SNX29: variants seen among roughly 807,000 people sequenced by gnomAD.
The protein encoded by SNX29 is sorting nexin 29.
SNX29 carries 78 observed loss-of-function variants against 102.1 expected under a neutral mutation model. That is an observed-to-expected ratio of 0.76 (90% CI 0.64 to 0.92). The LOEUF (loss-of-function observed/expected upper bound fraction) is 0.92. Ranked by LOEUF, SNX29 falls within the 40% of genes least tolerant of loss-of-function variation. The probability of loss-of-function intolerance (pLI) is 0.00; values close to 1 mark genes in which losing one functional copy is unlikely to be tolerated. For synonymous variants in SNX29, 580 were observed against 414.5 expected (o/e 1.40, Z -4.85); for missense variants, 1,280 against 1,061.7 (o/e 1.21, Z -2.86).
At position 12,544,027 on chromosome 16, in the gene SNX29, G is replaced by C. The variant is rs150708936; in HGVS notation, c.2318+19186G>C. Among the ~76,000 whole-genome samples, 82 of 152,340 alleles carry C rather than the reference G, an allele frequency of 5.4e-4. 1 individual carries two copies. In the East Asian group the frequency reaches 0.01, roughly 19 times the overall value. On this transcript the variant is annotated intron_variant, in intron 20 of 20. Transcript: ENST00000566228. ...GCAAAAGCCCTGGACTCTAGACCCCGTTGACTCATCACATTGCAAAGCCAC... is the reference window on the plus strand; with the variant it reads ...GCAAAAGCCCTGGACTCTAGACCCCCTTGACTCATCACATTGCAAAGCCAC...
At chr16:12,119,587 A>C (rs552646478) in intron 11 of SNX29, among the ~76,000 whole-genome samples, 1 of 152,350 alleles carries the variant, frequency 6.6e-6, no homozygotes, top group East Asian at 1.9e-4. Context: ...ATTTAATCAC[A>C]CTTTTGATTT....
At chr16:12,403,613 T>G in intron 18 of SNX29, 84 bp downstream of exon 18, 1 of 1,314,500 alleles carries the variant, frequency 7.6e-7, no homozygotes, top group Non-Finnish European at 1.1e-6. Context: ...TGCCTCTTGG[T>G]GGTGGGGCGC....
At chr16:12,498,073 G>A (rs1467664257) in intron 19 of SNX29, among the ~76,000 whole-genome samples, 1 of 152,232 alleles carries the variant, frequency 6.6e-6, no homozygotes, top group Non-Finnish European at 1.5e-5. Context: ...GACTGGGGAA[G>A]GGTCAGAACT....
intron 18 of SNX29, among the ~76,000 whole-genome samples, chr16:12,439,115 T>C (rs2085677625): frequency 1.3e-5 from 2 of 152,174 alleles, no homozygotes; most frequent in South Asian, 2.1e-4. Context: ...AGCCAGTCTT[T>C]CCCAGAGGCC....
At chr16:12,536,121 C>T (rs190215241) in intron 20 of SNX29, among the ~76,000 whole-genome samples, 160 of 152,246 alleles carry the variant, frequency 1.1e-3, no homozygotes, top group African/African-American at 3.7e-3. Flanking sequence ...TGAACACAGC[C>T]CAGCTTTGGT....
Position 12,428,260 on chromosome 16 carries a change from T to A in SNX29, c.2037+24731T>A, listed in dbSNP as rs560515710. Among the ~76,000 whole-genome samples the A allele has an allele frequency of 3.3e-5, 5 of 152,328 alleles. No homozygotes were observed. In the South Asian group the frequency reaches 1.0e-3, roughly 32 times the overall value. Reference sequence around the variant, plus strand: ...CAAATAAGTTTAGTATAAAATGTAATTATTCTCCTTAAAAAATCAACAGAG... The same window carrying A: ...CAAATAAGTTTAGTATAAAATGTAAATATTCTCCTTAAAAAATCAACAGAG... On this transcript the variant is annotated intron_variant, in intron 18 of 20. Coordinates refer to ENST00000566228, the MANE Select transcript of SNX29 (RefSeq NM_032167.5).
chr16:12,476,378 AAAAAAATATATATATAT>A (rs2087606890), intron 18 of SNX29, among the ~76,000 whole-genome samples: 1 of 27,556 alleles, frequency 3.6e-5, no homozygotes, highest in African/African-American at 1.7e-4. Flanking sequence ...AAAAAAAAAA[AAAAAAATATATATATAT>A]ATATATATAT....
intron 1 of SNX29, among the ~76,000 whole-genome samples, chr16:11,985,560 CGCTCCTCCAT>C (rs1462330045): frequency 2.6e-5 from 4 of 152,208 alleles, no homozygotes; most frequent in Non-Finnish European, 5.9e-5. Context: ...CACAGGCAGC[CGCTCCTCCAT>C]GGAGCGGGCT....
intron 11 of SNX29, among the ~76,000 whole-genome samples, chr16:12,084,415 GTTAA>G (rs1410225620): frequency 6.6e-6 from 1 of 152,154 alleles, no homozygotes; most frequent in African/African-American, 2.4e-5. Flanking sequence ...AAGTGAAAAA[GTTAA>G]TTATTTAGCA....
chr16:12,556,814 G>A (rs925585530), intron 20 of SNX29, among the ~76,000 whole-genome samples: 8 of 152,112 alleles, frequency 5.3e-5, no homozygotes, highest in Non-Finnish European at 7.3e-5. Context: ...CTAAAGTACA[G>A]AAGCCCAGAG....
intron 20 of SNX29, among the ~76,000 whole-genome samples, chr16:12,567,752 G>A (rs1178293400): frequency 6.6e-6 from 1 of 152,184 alleles, no homozygotes; most frequent in Non-Finnish European, 1.5e-5. Context: ...CAAGAGTCGA[G>A]ACTGTCTCCA....
intron 1 of SNX29, among the ~76,000 whole-genome samples, chr16:11,987,783 G>C (rs1300097321): frequency 6.6e-6 from 1 of 152,228 alleles, no homozygotes; most frequent in Non-Finnish European, 1.5e-5. Flanking sequence ...CTGGAACATA[G>C]AGGACCAGGT....
intron 13 of SNX29, among the ~76,000 whole-genome samples, chr16:12,181,143 T>G (rs1182955515): frequency 6.6e-6 from 1 of 152,200 alleles, no homozygotes; most frequent in Non-Finnish European, 1.5e-5. Flanking sequence ...CTGGCTTTAC[T>G]GCACTTCTCA....
intron 1 of SNX29, among the ~76,000 whole-genome samples, chr16:11,997,437 T>A (rs1406790240): frequency 6.6e-6 from 1 of 152,142 alleles, no homozygotes; most frequent in African/African-American, 2.4e-5. Context: ...GTCTTCCTAG[T>A]GTGACTCTCT....
chr16:12,052,364 C>G, intron 8 of SNX29, 142 bp downstream of exon 8: 1 of 832,118 alleles, frequency 1.2e-6, no homozygotes, highest in South Asian at 1.7e-5. Context: ...TTACAGGCAC[C>G]TGTCACCACA....
At chr16:12,290,049 G>C (rs145983949) in intron 15 of SNX29, among the ~76,000 whole-genome samples, 27 of 152,258 alleles carry the variant, frequency 1.8e-4, no homozygotes, top group African/African-American at 2.4e-5. Context: ...GGAGGGACTT[G>C]TTGCATTTAA....
intron 18 of SNX29, among the ~76,000 whole-genome samples, chr16:12,455,646 G>A (rs1248199068): frequency 6.6e-6 from 1 of 152,210 alleles, no homozygotes; most frequent in African/African-American, 2.4e-5. Context: ...TCATCCAGTA[G>A]GCTTTGCAAA....
intron 15 of SNX29, among the ~76,000 whole-genome samples, chr16:12,285,349 T>A (rs531918194): frequency 6.6e-6 from 1 of 152,318 alleles, no homozygotes; most frequent in South Asian, 2.1e-4. Flanking sequence ...AGAACTTTAC[T>A]CCCTTCCATA....
At chr16:12,088,673 C>T (rs1342853164) in intron 11 of SNX29, among the ~76,000 whole-genome samples, 1 of 152,192 alleles carries the variant, frequency 6.6e-6, no homozygotes, top group African/African-American at 2.4e-5. Flanking sequence ...ATGGCCGGGG[C>T]AGTGGCGCAC....
Sources: gnomAD v4.1 joint callset for allele counts (sites outside exome capture counted in the v4.1 genomes callset) on GRCh38, gnomAD v4.1.1 for gene constraint, MANE v1.5 for transcripts, NCBI Gene and HGNC (gene_info 2026-07-23, HGNC 2026-07-21) for gene names.